ZNF331: variants seen among roughly 807,000 people sequenced by gnomAD.
The protein encoded by ZNF331 is C2H2-like zinc finger protein rearranged in thyroid adenomas.
A neutral mutation model predicts 7.0 loss-of-function variants in ZNF331; 2 were observed. The observed-to-expected ratio is 0.29, with a 90% CI of 0.12 to 0.90. ZNF331 has a LOEUF of 0.90. Ranked by LOEUF, ZNF331 falls within the 40% of genes least tolerant of loss-of-function variation. The pLI is 0.58. For missense variants in ZNF331, 432 were observed against 587.7 expected, an observed-to-expected ratio of 0.74 and a Z score of 2.74; for synonymous variants, 196 against 205.4, an observed-to-expected ratio of 0.95 and a Z score of 0.39.
At chr19:53,519,189 C>G (rs150942449), upstream of ZNF331, among the ~76,000 whole-genome samples, 588 of 152,180 alleles carry the variant, frequency 3.9e-3, 4 homozygotes, top group African/African-American at 0.013. Context: ...CCTCCCTTAC[C>G]TGAGCTCCAG....
At chr19:53,559,233 CCATA>C (rs1396197315) in intron 3 of ZNF331, among the ~76,000 whole-genome samples, 1 of 148,838 alleles carries the variant, frequency 6.7e-6, no homozygotes, top group Non-Finnish European at 1.5e-5. Context: ...TATATACACA[CCATA>C]CATACACACA....
intron 2 of ZNF331, among the ~76,000 whole-genome samples, chr19:53,526,059 T>C (rs557853597): frequency 2.6e-5 from 4 of 152,350 alleles, no homozygotes; most frequent in African/African-American, 9.6e-5. Flanking sequence ...CTTCATTCTG[T>C]TAATGTGCTA....
At chr19:53,554,073 C>T (rs1294884551) in intron 2 of ZNF331, among the ~76,000 whole-genome samples, 1 of 152,314 alleles carries the variant, frequency 6.6e-6, no homozygotes, top group East Asian at 1.9e-4. Context: ...CCAGACATCG[C>T]CCTCCTCAAG....
chr19:53,515,982 C>T (rs2086895160), upstream of ZNF331, among the ~76,000 whole-genome samples: 1 of 152,052 alleles, frequency 6.6e-6, no homozygotes. Flanking sequence ...AGAAATTCTG[C>T]CATTTATGAC....
intron 2 of ZNF331, among the ~76,000 whole-genome samples, chr19:53,542,072 A>G (rs1483384963): frequency 2.6e-5 from 4 of 152,184 alleles, no homozygotes; most frequent in Non-Finnish European, 5.9e-5. Flanking sequence ...GCCTCTAAGC[A>G]TGTGTGTGTT....
intron 3 of ZNF331, among the ~76,000 whole-genome samples, chr19:53,559,617 T>C (rs2089708990): frequency 7.7e-6 from 1 of 129,688 alleles, no homozygotes; most frequent in Admixed American, 8.4e-5. Context: ...ACCCCATATA[T>C]ACACACATAT....
Position 53,577,694 on chromosome 19 carries a change from A to C in ZNF331, c.1134A>C (p.Thr378=). ...TCACTCAGCACGAGAGAATCCACAC[A>C]GGCGAAACCCCGTATAAATGTAAGG... ...YHLTQHERIH[T]GETPYKCKEC... is the part of the protein sequence containing the mutation. The change falls in exon 6 of 6, where the codon ACA becomes ACC. Residue 378 remains threonine (T), a synonymous_variant. Transcript: ENST00000449416. 2.5e-6 allele frequency: 4 copies of C among 1,613,786 alleles called. No homozygotes were observed. Among genetic ancestry groups the C allele is most frequent in the African/African-American group, 1.3e-5 (1 of 74,922 alleles).
rs1212728361 is a variant in ZNF331 at position 53,560,647 on chromosome 19, G to A, written c.-74+4739G>A. 6.6e-6 allele frequency among the ~76,000 whole-genome samples: 1 copy of A among 152,154 alleles called. No individual in the cohort carries two copies. Among genetic ancestry groups the A allele is most frequent in the Non-Finnish European group, 1.5e-5 (1 of 68,032 alleles). ...ACCGGGCTAAAACCAGGTTGTTGGA[G>A]GCTGTAGGAGATATTCTGTGTCCTT... On this transcript the variant is annotated intron_variant, in intron 3 of 5. Transcript: ENST00000449416. This position sits in a 1 kb window ranked among gnomAD's most constrained non-coding sequence, Gnocchi z 4.3.
At chr19:53,506,184 A>G in the ZNF331 span, among the ~76,000 whole-genome samples, 7 of 145,888 alleles carry the variant, frequency 4.8e-5, no homozygotes, top group Non-Finnish European at 9.0e-5. Flanking sequence ...AAATACAAAA[A>G]ATTAGCCGGG....
upstream of ZNF331, among the ~76,000 whole-genome samples, chr19:53,520,525 C>T (rs17207135): frequency 0.29 from 44,201 of 152,084 alleles, 6,629 homozygotes; most frequent in Middle Eastern, 0.4. Context: ...GCCGACAGGG[C>T]TTCCAGCATT....
chr19:53,562,291 T>C (rs1296835162), intron 3 of ZNF331, among the ~76,000 whole-genome samples: 1 of 152,198 alleles, frequency 6.6e-6, no homozygotes, highest in African/African-American at 2.4e-5. Context: ...AGGTTATAGA[T>C]ACAAGTAACA....
chr19:53,510,431 CTTT>C, the ZNF331 span, among the ~76,000 whole-genome samples: 23,221 of 137,938 alleles, frequency 0.17, 1,859 homozygotes, highest in South Asian at 0.23. Context: ...GAAACTTGAA[CTTT>C]TTTTTTTTTT....
At chr19:53,506,436 C>G in the ZNF331 span, among the ~76,000 whole-genome samples, 35,532 of 74,284 alleles carry the variant, frequency 0.48, 4,976 homozygotes, top group Middle Eastern at 0.56. Flanking sequence ...CTCTCTCTCT[C>G]TCTCTCTGTC....
rs1428886733 is a variant in ZNF331 at position 53,578,262 on chromosome 19, A to C, written c.*310A>C. 1.5e-5 allele frequency: 5 copies of C among 339,556 alleles called. No homozygotes were observed. The highest frequency in any genetic ancestry group is 5.5e-6 in the Non-Finnish European group (1 of 182,662). The allele number at this position is 339,556 out of a possible 1,614,324, so 21.0% of individuals were successfully genotyped here. A position where few individuals can be genotyped will look rare whatever the true frequency, so the allele number is the denominator to read the frequency against. ...CCCAGCATCACAGTGCCTGTGCCCA[A>C]GCAGTCCTCACTTTGCTTAACAGTG... On this transcript the variant is annotated 3_prime_UTR_variant, in exon 6 of 6. Coordinates refer to ENST00000449416, the MANE Select transcript of ZNF331 (RefSeq NM_001079906.2).
rs756028779 is a variant in ZNF331 at position 53,559,269 on chromosome 19, CACA to C, written c.-74+3364_-74+3366del. ...CACACCCCATGTACACACACATATA[CACA>C]ACTACATATATACATACCATACGTA... On this transcript the variant is annotated intron_variant, in intron 3 of 5. Transcript: ENST00000449416. Among the ~76,000 whole-genome samples the C allele has an allele frequency of 4.4e-4, 67 of 150,956 alleles. No homozygotes were observed. The Middle Eastern group carries it at 0.014, about 31-fold the overall frequency.
upstream of ZNF331, among the ~76,000 whole-genome samples, chr19:53,518,414 G>A (rs2086957250): frequency 6.6e-6 from 1 of 152,100 alleles, no homozygotes; most frequent in East Asian, 1.9e-4. Context: ...GCTTGCAGAT[G>A]GCCTATCATG....
In ZNF331 at chr19:53,580,106, A is replaced by G. The variant is rs1172540842; in HGVS notation, c.*2154A>G. 4.7e-6 allele frequency: 1 copy of G among 211,282 alleles called. No individual in the cohort carries two copies. Among genetic ancestry groups the G allele is most frequent in the African/African-American group, 2.3e-5 (1 of 44,124 alleles). 13.1% of individuals were successfully genotyped at this position (211,282 alleles called of 1,614,324 possible). ...TAACAAGGCTGATTTCAGATGTCTC[A>G]CCACAAAGAAGGAGGATAAGGGAGC... On this transcript the variant is annotated 3_prime_UTR_variant, in exon 6 of 6. Transcript: ENST00000449416.
Position 53,577,217 on chromosome 19 carries a change from C to G in ZNF331, c.657C>G (p.Asp219Glu). 1 of 1,612,754 alleles carries G rather than the reference C, an allele frequency of 6.2e-7. No homozygotes were observed. The highest frequency in any genetic ancestry group is 8.5e-7 in the Non-Finnish European group (1 of 1,179,686). The part of the protein sequence containing the change: ...HTGEKPYECK[D>E]CGKAFRRGDE... ...GTGAAAAACCCTATGAATGTAAAGACTGTGGAAAGGCCTTTCGGCGTGGTG... is the reference window on the plus strand; with the variant it reads ...GTGAAAAACCCTATGAATGTAAAGAGTGTGGAAAGGCCTTTCGGCGTGGTG... Residue 219 changes from aspartate (D) to glutamate (E), a missense_variant, in exon 6 of 6, where the codon GAC (aspartate) becomes GAG (glutamate). Physicochemically the swap from Asp to Glu is conservative, Grantham distance 45. Coordinates refer to ENST00000449416, the MANE Select transcript of ZNF331 (RefSeq NM_001079906.2).
upstream of ZNF331, chr19:53,536,492 G>A (rs1296931129): frequency 6.6e-6 from 1 of 152,140 alleles, no homozygotes; most frequent in East Asian, 1.9e-4. Flanking sequence ...TTCTTCAGAA[G>A]TTTTCTTAAT....
Sources: allele counts gnomAD v4.1 joint callset (sites outside exome capture counted in the v4.1 genomes callset), GRCh38; gene constraint gnomAD v4.1.1; non-coding constraint Gnocchi (gnomAD v3.1); transcripts MANE v1.5; gene names NCBI Gene and HGNC (gene_info 2026-07-23, HGNC 2026-07-21).